EXTL3: variants seen among roughly 807,000 people sequenced by gnomAD.
The protein encoded by EXTL3 is exostosin like glycosyltransferase 3, also known as exostosin-like 3.
Under a neutral mutation model 69.3 loss-of-function variants are expected in EXTL3, and 27 were observed. The observed-to-expected ratio is 0.39, with a 90% confidence interval of 0.29 to 0.54. EXTL3 has a LOEUF of 0.54. EXTL3 is among the 20% of genes least tolerant of loss of function. EXTL3 has a pLI of 0.69. For missense variants in EXTL3, 1,003 were observed against 1,231.8 expected (o/e 0.81, Z 2.78); for synonymous variants, 511 against 499.4 (o/e 1.02, Z -0.31).
intron 1 of EXTL3, among the ~76,000 whole-genome samples, chr8:28,642,732 A>G (rs1049095661): frequency 3.9e-5 from 6 of 152,184 alleles, no homozygotes; most frequent in African/African-American, 1.4e-4. Context: ...GATTGCAAGT[A>G]AGTGTTCTTC....
intron 1 of EXTL3, among the ~76,000 whole-genome samples, chr8:28,683,942 C>T (rs1444124535): frequency 6.6e-6 from 1 of 152,092 alleles, no homozygotes; most frequent in Admixed American, 6.6e-5. Context: ...CCCTTTCTAG[C>T]CTCAGGTAAC....
At chr8:28,714,461 C>T (rs1223043119) in intron 2 of EXTL3, among the ~76,000 whole-genome samples, 1 of 152,132 alleles carries the variant, frequency 6.6e-6, no homozygotes, top group Non-Finnish European at 1.5e-5. Context: ...TGAAGTCCTA[C>T]TCATTTTATG....
Position 28,716,705 on chromosome 8 carries a change from C to G in EXTL3, c.646C>G (p.Gln216Glu). Residue 216 changes from glutamine to glutamate, a missense_variant, in exon 3 of 7, where the codon CAG becomes GAG. Around this residue, in one of 2 missense-constraint regions of EXTL3, gnomAD observed 742 missense variants for 815.4 expected, o/e 0.91. Coordinates refer to ENST00000220562, the MANE Select transcript of EXTL3 (RefSeq NM_001440.4). The surrounding 1 kb of genome is among the most constrained non-coding windows in gnomAD (Gnocchi z 7.1). ...FGSYLDPLVK[Q>E]AFQATARANV... ...CAGCTACCTGGATCCCTTGGTCAAG[C>G]AGGCTTTTCAGGCGACAGCACGAGC... 6.2e-7 allele frequency: 1 copy of G among 1,614,236 alleles called. No homozygotes were observed. Among genetic ancestry groups the G allele is most frequent in the South Asian group, 1.1e-5 (1 of 91,088 alleles).
chr8:28,636,999 C>T (rs1451360012), intron 1 of EXTL3, among the ~76,000 whole-genome samples: 4 of 36,830 alleles, frequency 1.1e-4, no homozygotes, highest in African/African-American at 2.4e-4. Context: ...AAGAAAGAAG[C>T]GGGTGGAGGG....
Position 28,718,215 on chromosome 8 carries a change from A to G in EXTL3, c.2148+8A>G, listed in dbSNP as rs1437174058. On this transcript the variant is annotated splice_region_variant and intron_variant, in intron 3 of 6. Coordinates refer to ENST00000220562, the MANE Select transcript of EXTL3 (RefSeq NM_001440.4). ...ATTGGCGTCCCCATCATGGTAATAG[A>G]GAAACGAACAGTTCGTTTTGGTGCA... 2 of 1,613,156 alleles carry G rather than the reference A, an allele frequency of 1.2e-6. No individual in the cohort carries two copies. Among genetic ancestry groups the G allele is most frequent in the South Asian group, 1.1e-5 (1 of 91,060 alleles).
At chr8:28,631,143 CTT>C in intron 1 of EXTL3, among the ~76,000 whole-genome samples, 1 of 144,794 alleles carries the variant, frequency 6.9e-6, no homozygotes, top group Admixed American at 6.9e-5. Flanking sequence ...TTAGAGAGGA[CTT>C]TTTTTTTTTT....
intron 1 of EXTL3, among the ~76,000 whole-genome samples, chr8:28,635,687 G>C (rs1162343634): frequency 1.5e-5 from 2 of 137,544 alleles, no homozygotes; most frequent in Non-Finnish European, 3.3e-5. Context: ...CTCCAGGCTG[G>C]GCAACATAGT....
chr8:28,741,294 T>A (rs1801774026), intron 5 of EXTL3: 4 of 152,264 alleles, frequency 2.6e-5, no homozygotes, highest in Admixed American at 2.6e-4. Context: ...TTTTAAATTA[T>A]TATTAAAAGG....
At chr8:28,725,524 CTT>C (rs2130759631) in intron 3 of EXTL3, among the ~76,000 whole-genome samples, 1 of 152,284 alleles carries the variant, frequency 6.6e-6, no homozygotes, top group South Asian at 2.1e-4. Context: ...CTTCTCAAGT[CTT>C]TATTTCATAT....
At chr8:28,608,105 A>G (rs1260224469) in intron 2 of EXTL3, among the ~76,000 whole-genome samples, 88 of 149,782 alleles carry the variant, frequency 5.9e-4, no homozygotes, top group Non-Finnish European at 3.6e-4. Flanking sequence ...GCGAGACACC[A>G]TCTCAAAAAA....
chr8:28,725,124 G>A (rs913233688), intron 3 of EXTL3, among the ~76,000 whole-genome samples: 16 of 152,238 alleles, frequency 1.1e-4, no homozygotes, highest in South Asian at 6.2e-4. Flanking sequence ...TATTATGTAC[G>A]TATATATGTT....
intron 1 of EXTL3, among the ~76,000 whole-genome samples, chr8:28,675,895 G>A (rs762233848): frequency 7.9e-5 from 12 of 151,766 alleles, no homozygotes; most frequent in South Asian, 2.1e-4. Flanking sequence ...GGTGGTGCAC[G>A]CCTGTAATCC....
chr8:28,719,864 G>A (rs1021207934), intron 3 of EXTL3, among the ~76,000 whole-genome samples: 2 of 152,166 alleles, frequency 1.3e-5, no homozygotes, highest in African/African-American at 4.8e-5. Context: ...TAAGTTGACT[G>A]AAATTCATCA....
chr8:28,657,081 A>G (rs1239473723), intron 1 of EXTL3, among the ~76,000 whole-genome samples: 1 of 151,628 alleles, frequency 6.6e-6, no homozygotes, highest in Non-Finnish European at 1.5e-5. Flanking sequence ...ACAGGCGCCC[A>G]CCACCACCAC....
At chr8:28,703,562 G>A (rs1800856983) in intron 1 of EXTL3, among the ~76,000 whole-genome samples, 1 of 152,156 alleles carries the variant, frequency 6.6e-6, no homozygotes. Context: ...GGTTATGGGT[G>A]ATGAGGGGCT....
At chr8:28,644,053 T>G (rs900680961) in intron 1 of EXTL3, among the ~76,000 whole-genome samples, 3 of 152,162 alleles carry the variant, frequency 2.0e-5, no homozygotes, top group African/African-American at 7.2e-5. Context: ...CATGAGTCAT[T>G]GTGCCCAGCC....
intron 1 of EXTL3, among the ~76,000 whole-genome samples, chr8:28,642,452 A>G (rs1459153346): frequency 6.6e-6 from 1 of 151,070 alleles, no homozygotes; most frequent in Admixed American, 6.6e-5. Context: ...TCTCAAAAAA[A>G]AAAAAAAAAA....
chr8:28,699,931 A>T (rs1026018529), upstream of EXTL3: 6 of 152,162 alleles, frequency 3.9e-5, no homozygotes, highest in Non-Finnish European at 7.3e-5. Flanking sequence ...GCCAGTGTGG[A>T]GATGAACCAA....
At chr8:28,694,262 C>T (rs1800654931) in intron 1 of EXTL3, among the ~76,000 whole-genome samples, 1 of 152,216 alleles carries the variant, frequency 6.6e-6, no homozygotes, top group Non-Finnish European at 1.5e-5. Flanking sequence ...GGTAAGAGAA[C>T]ACAGACTTGT....
Sources: gnomAD v4.1 joint callset for allele counts (sites outside exome capture counted in the v4.1 genomes callset) on GRCh38, gnomAD v4.1.1 for gene constraint, gnomAD v4.1.1 regional missense constraint, Gnocchi (gnomAD v3.1) non-coding constraint, MANE v1.5 for transcripts, NCBI Gene and HGNC (gene_info 2026-07-23, HGNC 2026-07-21) for gene names.